PXN: variants seen among roughly 807,000 people sequenced by gnomAD.
The protein encoded by PXN is paxillin, also known as testicular tissue protein Li 134.
Under a neutral mutation model 103.6 loss-of-function variants are expected in PXN, and 61 were observed. The ratio of observed to expected loss-of-function variants is 0.59; its 90% confidence interval spans 0.48 to 0.73. The LOEUF (loss-of-function observed/expected upper bound fraction) is 0.73. PXN is among the 30% of genes least tolerant of loss of function. PXN has a pLI of 0.00. For missense variants in PXN, 1,274 were observed against 1,460.3 expected (o/e 0.87, Z 2.08); for synonymous variants, 562 against 607.8 (o/e 0.92, Z 1.11).
rs1566373062 is a variant in PXN, at chr12:120,219,398, T to C, written c.1525A>G (p.Thr509Ala). The C allele has an allele frequency of 6.3e-7, 1 of 1,598,394 alleles. No individual in the cohort carries two copies. The highest frequency in any genetic ancestry group is 8.5e-7 in the Non-Finnish European group (1 of 1,179,772). Reference protein sequence around the residue: ...LGSSSPASVTTEQLGAKMTER... With the variant: ...LGSSSPASVTAEQLGAKMTER... ...GTCATCTTTGCACCTAGCTGCTCCG[T>C]GGTAACTGAGGCAGGGGAGCTGCTT... Residue 509 changes from threonine (T) to alanine (A), a missense_variant, in exon 7 of 15, where the codon ACG becomes GCG. Around this residue, in one of 2 missense-constraint regions of PXN, gnomAD observed 1,178 missense variants for 1,309.0 expected, o/e 0.90. Coordinates refer to ENST00000637617, the MANE Select transcript of PXN (RefSeq NM_001385981.1). The surrounding 1 kb of genome is among the most constrained non-coding windows in gnomAD (Gnocchi z 6.5).
Position 120,211,483 on chromosome 12 carries a change from A to G in PXN, c.*831T>C, listed in dbSNP as rs1461784064. On this transcript the variant is annotated 3_prime_UTR_variant, in exon 15 of 15. Transcript: ENST00000637617. ...CAGAGCCACCATCAGTGACAGGCCC[A>G]GTGGCGGTGGATGAGGAAGAGAATA... The G allele has an allele frequency of 5.9e-6, 1 of 169,202 alleles. No individual in the cohort carries two copies. The highest frequency in any genetic ancestry group is 1.3e-5 in the Non-Finnish European group (1 of 77,174). The allele number at this position is 169,202 out of a possible 1,614,324, so 10.5% of individuals were successfully genotyped here.
intron 1 of PXN, among the ~76,000 whole-genome samples, chr12:120,240,795 A>G (rs1443533534): frequency 6.6e-6 from 1 of 152,160 alleles, no homozygotes; most frequent in Non-Finnish European, 1.5e-5. Context: ...CCATTGGAAC[A>G]TCGACACTAA....
At chr12:120,255,675 C>T (rs1204259991) in intron 1 of PXN, among the ~76,000 whole-genome samples, 1 of 151,688 alleles carries the variant, frequency 6.6e-6, no homozygotes, top group African/African-American at 2.4e-5. Flanking sequence ...GCCTGGGTGA[C>T]AGAGAAAGAC....
chr12:120,213,923 A>G lies in PXN; in HGVS notation c.2898T>C (p.Cys966=). 1.2e-6 allele frequency: 2 copies of G among 1,612,254 alleles called. No homozygotes were observed. The highest frequency in any genetic ancestry group is 1.7e-6 in the Non-Finnish European group (2 of 1,179,348). The change falls in exon 14 of 15, where the codon TGT becomes TGC. Residue 966 remains cysteine (C), a synonymous_variant. Transcript: ENST00000637617. This position sits in a 1 kb window ranked among gnomAD's most constrained non-coding sequence, Gnocchi z 4.2. The part of the protein sequence containing the change: ...KDYFDMFAPK[C]GGCARAILEN... ...CCAGGATGGCCCGGGCGCAGCCGCC[A>G]CACTTGGGTGCGAACATGTCGAAGT... is the stretch of plus-strand genomic sequence containing the variant.
At chr12:120,230,085 T>A (rs1887697967) in intron 1 of PXN, among the ~76,000 whole-genome samples, 3 of 152,178 alleles carry the variant, frequency 2.0e-5, no homozygotes, top group Admixed American at 2.0e-4. Flanking sequence ...TTCACCCACC[T>A]TCTTCTGCAG....
chr12:120,256,575 G>A (rs1417589359), intron 1 of PXN, among the ~76,000 whole-genome samples: 1 of 151,988 alleles, frequency 6.6e-6, no homozygotes, highest in Non-Finnish European at 1.5e-5. Context: ...GGGGACGTGG[G>A]GGGTGGAGTA....
rs1332054747 is a variant in PXN at position 120,220,916 on chromosome 12, G to A, written c.831+707C>T. 1.3e-5 allele frequency among the ~76,000 whole-genome samples: 2 copies of A among 152,192 alleles called. No homozygotes were observed. Among genetic ancestry groups the A allele is most frequent in the Non-Finnish European group, 2.9e-5 (2 of 68,028 alleles). Reference sequence around the variant, plus strand: ...TGACCCACGTGGAAGTATGAAGTCAGCAGCTGCTGGTGAGTTCTGTCAATA... The same window carrying A: ...TGACCCACGTGGAAGTATGAAGTCAACAGCTGCTGGTGAGTTCTGTCAATA... On this transcript the variant is annotated intron_variant, in intron 6 of 14. Coordinates refer to ENST00000637617, the MANE Select transcript of PXN (RefSeq NM_001385981.1). The surrounding 1 kb of genome is among the most constrained non-coding windows in gnomAD (Gnocchi z 6.1).
intron 1 of PXN, among the ~76,000 whole-genome samples, chr12:120,237,601 G>A (rs534719217): frequency 6.6e-6 from 1 of 152,290 alleles, no homozygotes; most frequent in South Asian, 2.1e-4. Flanking sequence ...GGTCACGAGT[G>A]CTGAGAAGAA....
chr12:120,256,670 C>T (rs1293056539), intron 1 of PXN, among the ~76,000 whole-genome samples: 1 of 152,124 alleles, frequency 6.6e-6, no homozygotes, highest in Non-Finnish European at 1.5e-5. Flanking sequence ...ATGTGGAAGG[C>T]AGGCATTACA....
At chr12:120,255,423 C>A (rs559974069) in intron 1 of PXN, among the ~76,000 whole-genome samples, 1 of 152,286 alleles carries the variant, frequency 6.6e-6, no homozygotes, top group East Asian at 1.9e-4. Flanking sequence ...ACAGGCCGGG[C>A]GCGGTGGCTC....
intron 1 of PXN, among the ~76,000 whole-genome samples, chr12:120,241,621 G>A (rs1005937540): frequency 3.9e-5 from 6 of 152,262 alleles, no homozygotes; most frequent in African/African-American, 1.2e-4. Context: ...AGGGGCAGAA[G>A]GCCCTGAAAG....
At chr12:120,218,640 T>C (rs1438661697) in intron 7 of PXN, among the ~76,000 whole-genome samples, 2 of 152,176 alleles carry the variant, frequency 1.3e-5, no homozygotes, top group African/African-American at 4.8e-5. Context: ...CCTCCCAAAG[T>C]GCTGGGATTA....
At position 120,212,346 on chromosome 12, in the gene PXN, A is replaced by G; in HGVS notation, c.3214T>C (p.Cys1072Arg). Reference protein sequence around the residue: ...TFKEQNDKPYCQNCFLKLFC With the variant: ...TFKEQNDKPYRQNCFLKLFC ...AAGAGCTTGAGGAAGCAGTTCTGAC[A>G]GTAAGGCTTGTCGTTCTGCTCCTTG... The change falls in exon 15 of 15, where the codon TGT (cysteine) becomes CGT (arginine). Residue 1072 changes from cysteine to arginine, a missense_variant. Coordinates refer to ENST00000637617, the MANE Select transcript of PXN (RefSeq NM_001385981.1). This position sits in a 1 kb window ranked among gnomAD's most constrained non-coding sequence, Gnocchi z 7.2. 1 of 1,613,926 alleles carries G rather than the reference A, an allele frequency of 6.2e-7. No individual in the cohort carries two copies. The highest frequency in any genetic ancestry group is 8.5e-7 in the Non-Finnish European group (1 of 1,179,868).
Position 120,212,209 on chromosome 12 carries a change from A to T in PXN, c.*105T>A. ...CGCACCAGCGGAGGACAAGGGTTCC[A>T]GTTTCAGTCGGGTTTACCCCTTCAC... On this transcript the variant is annotated 3_prime_UTR_variant, in exon 15 of 15. Transcript: ENST00000637617. The surrounding 1 kb of genome is among the most constrained non-coding windows in gnomAD (Gnocchi z 7.2). 1 of 1,458,528 alleles carries T rather than the reference A, an allele frequency of 6.9e-7. No individual in the cohort carries two copies. The highest frequency in any genetic ancestry group is 9.2e-7 in the Non-Finnish European group (1 of 1,081,462). 90.3% of individuals were successfully genotyped at this position (1,458,528 alleles called of 1,614,324 possible).
At chr12:120,262,482 G>T (rs1482519851) in intron 1 of PXN, among the ~76,000 whole-genome samples, 4 of 152,196 alleles carry the variant, frequency 2.6e-5, no homozygotes, top group Non-Finnish European at 5.9e-5. Flanking sequence ...ATCTGGAATT[G>T]GATGAGCCTG....
intron 1 of PXN, among the ~76,000 whole-genome samples, chr12:120,257,039 T>C (rs921512787): frequency 3.3e-5 from 5 of 152,076 alleles, no homozygotes; most frequent in Non-Finnish European, 7.4e-5. Flanking sequence ...GTTTTTATGT[T>C]TTAGAAGAGG....
At chr12:120,233,487 G>C (rs2136433203) in intron 1 of PXN, among the ~76,000 whole-genome samples, 1 of 152,176 alleles carries the variant, frequency 6.6e-6, no homozygotes, top group Non-Finnish European at 1.5e-5. Flanking sequence ...TATTTTCTTA[G>C]TAGAGTCGAA....
At position 120,212,854 on chromosome 12, in the gene PXN, T is replaced by G; in HGVS notation, c.2980-274A>C. On this transcript the variant is annotated intron_variant, in intron 14 of 14. Coordinates refer to ENST00000637617, the MANE Select transcript of PXN (RefSeq NM_001385981.1). The surrounding 1 kb of genome is among the most constrained non-coding windows in gnomAD (Gnocchi z 7.2). ...CCTCGGCCTCCCACAGGGCTGGGAT[T>G]ATTTAGTTCTCCCAACAGGGGAGGC... 2.9e-6 allele frequency: 1 copy of G among 347,418 alleles called. No individual in the cohort carries two copies. The highest frequency in any genetic ancestry group is 5.0e-5 in the South Asian group (1 of 19,860). 21.5% of individuals were successfully genotyped at this position (347,418 alleles called of 1,614,324 possible). A position where few individuals can be genotyped will look rare whatever the true frequency, so the allele number is the denominator to read the frequency against.
chr12:120,223,666 C>A, intron 3 of PXN, 52 bp downstream of exon 3: 1 of 1,409,356 alleles, frequency 7.1e-7, no homozygotes, highest in Non-Finnish European at 9.8e-7. Context: ...TGGCCAGGTC[C>A]CTGAGATTTC....
Sources: allele counts gnomAD v4.1 joint callset (sites outside exome capture counted in the v4.1 genomes callset), GRCh38; gene constraint gnomAD v4.1.1; regional missense constraint gnomAD v4.1.1; non-coding constraint Gnocchi (gnomAD v3.1); transcripts MANE v1.5; gene names NCBI Gene and HGNC (gene_info 2026-07-23, HGNC 2026-07-21).